The following TENM2 variants were observed in gnomAD, a reference collection of about 807,000 sequenced individuals.
TENM2 encodes teneurin-2.
Under a neutral mutation model 245.2 loss-of-function variants are expected in TENM2, and 52 were observed. That is an observed-to-expected ratio of 0.21 (90% CI 0.17 to 0.27). TENM2 has a LOEUF of 0.27. Among genes scored for constraint, TENM2 ranks in the 10% least tolerant of loss-of-function variants. The probability of loss-of-function intolerance (pLI) is 1.00; values close to 1 mark genes in which losing one functional copy is unlikely to be tolerated. For missense variants in TENM2, 3,046 were observed against 3,666.8 expected (o/e 0.83, Z 4.37); for synonymous variants, 1,363 against 1,438.9 (o/e 0.95, Z 1.19).
intron 4 of TENM2, among the ~76,000 whole-genome samples, chr5:167,966,525 A>T (rs866964727): frequency 1.3e-5 from 2 of 152,238 alleles, no homozygotes; most frequent in African/African-American, 4.8e-5. Context: ...GTCTTCAAGA[A>T]GAAGCAATCT....
intron 12 of TENM2, among the ~76,000 whole-genome samples, chr5:168,158,368 G>T (rs1463155977): frequency 6.6e-6 from 1 of 152,052 alleles, no homozygotes; most frequent in Non-Finnish European, 1.5e-5. Context: ...TAGATATGAG[G>T]CAGGCAGACA....
chr5:167,196,524 A>ATATGTGTATATATC, the TENM2 span, among the ~76,000 whole-genome samples: 1 of 142,674 alleles, frequency 7.0e-6, no homozygotes, highest in African/African-American at 3.0e-5. Flanking sequence ...GTGTATATAT[A>ATATGTGTATATATC]TATGTGTGTG....
At chr5:167,598,787 T>G (rs1561587413) in intron 2 of TENM2, among the ~76,000 whole-genome samples, 1 of 152,130 alleles carries the variant, frequency 6.6e-6, no homozygotes, top group Non-Finnish European at 1.5e-5. Flanking sequence ...AGTAATAATG[T>G]AAATGTTGGC....
intron 2 of TENM2, among the ~76,000 whole-genome samples, chr5:167,680,654 C>T (rs894573667): frequency 3.3e-5 from 5 of 152,120 alleles, no homozygotes; most frequent in South Asian, 4.1e-4. Flanking sequence ...TGAGAGACGA[C>T]GGTGGCCCAG....
intron 25 of TENM2, among the ~76,000 whole-genome samples, chr5:168,233,093 C>T (rs950301352): frequency 2.6e-5 from 4 of 152,068 alleles, no homozygotes; most frequent in African/African-American, 7.2e-5. Context: ...TTTGGGAGGC[C>T]GAGGCGGGTG....
At chr5:167,445,337 A>G (rs866378755) in intron 2 of TENM2, among the ~76,000 whole-genome samples, 7 of 76,638 alleles carry the variant, frequency 9.1e-5, no homozygotes, top group Admixed American at 1.3e-4. Flanking sequence ...ATATATATAT[A>G]GAGAGAGAGA....
At chr5:168,030,841 A>T (rs1787079861) in intron 5 of TENM2, among the ~76,000 whole-genome samples, 1 of 152,220 alleles carries the variant, frequency 6.6e-6, no homozygotes, top group South Asian at 2.1e-4. Context: ...ACACAGTGGC[A>T]TCTCCAGAAT....
chr5:167,666,539 A>G, intron 2 of TENM2, among the ~76,000 whole-genome samples: 1 of 152,276 alleles, frequency 6.6e-6, no homozygotes, highest in South Asian at 2.1e-4. Context: ...TCTCAAAATT[A>G]CTAATATTAA....
chr5:168,254,772 TG>T (rs1767494819), intron 27 of TENM2, among the ~76,000 whole-genome samples: 1 of 152,096 alleles, frequency 6.6e-6, no homozygotes, highest in South Asian at 2.1e-4. Context: ...CTCAGCCAGT[TG>T]CGGTGGCTTA....
At chr5:167,690,824 C>T (rs557412782) in intron 2 of TENM2, among the ~76,000 whole-genome samples, 3 of 152,062 alleles carry the variant, frequency 2.0e-5, no homozygotes, top group South Asian at 4.2e-4. Flanking sequence ...AGTAAAATTA[C>T]ACACACGCAA....
intron 2 of TENM2, among the ~76,000 whole-genome samples, chr5:167,654,669 A>T (rs561788614): frequency 6.6e-6 from 1 of 151,434 alleles, no homozygotes; most frequent in Admixed American, 6.6e-5. Flanking sequence ...TTGTGATGGT[A>T]TTACTCTAAA....
intron 2 of TENM2, among the ~76,000 whole-genome samples, chr5:167,615,282 GGT>G (rs1777722183): frequency 6.6e-6 from 1 of 152,068 alleles, no homozygotes; most frequent in South Asian, 2.1e-4. Context: ...CTTAAGAAGT[GGT>G]GGGCAGTAAA....
intron 1 of TENM2, among the ~76,000 whole-genome samples, chr5:167,303,962 A>G (rs1244922372): frequency 2.0e-5 from 3 of 152,156 alleles, no homozygotes; most frequent in Admixed American, 1.3e-4. Flanking sequence ...ATTTATTTTT[A>G]TATAAAATCC....
At chr5:167,779,456 A>G (rs1764035147) in intron 2 of TENM2, among the ~76,000 whole-genome samples, 1 of 152,218 alleles carries the variant, frequency 6.6e-6, no homozygotes, top group Non-Finnish European at 1.5e-5. Context: ...GAGGATCCTC[A>G]GTCACCTTGA....
intron 13 of TENM2, among the ~76,000 whole-genome samples, chr5:168,182,904 C>T (rs1383408370): frequency 6.7e-6 from 1 of 149,922 alleles, no homozygotes; most frequent in Non-Finnish European, 1.5e-5. Context: ...AATTGGGCCT[C>T]ACTGCAACCT....
the TENM2 span, among the ~76,000 whole-genome samples, chr5:167,189,600 G>T: frequency 6.9e-6 from 1 of 145,888 alleles, no homozygotes; most frequent in African/African-American, 2.5e-5. Context: ...AGACAGTCTC[G>T]CCCTGTCACC....
At chr5:167,203,765 T>A in the TENM2 span, among the ~76,000 whole-genome samples, 3 of 148,846 alleles carry the variant, frequency 2.0e-5, no homozygotes, top group South Asian at 6.2e-4. Context: ...ATTTTCAAAT[T>A]TTTTTTATTT....
intron 2 of TENM2, among the ~76,000 whole-genome samples, chr5:167,460,576 AT>A: frequency 6.7e-6 from 1 of 150,046 alleles, no homozygotes; most frequent in Non-Finnish European, 1.5e-5. Flanking sequence ...CATGTCACTG[AT>A]ATTTTTAGAA....
the TENM2 span, among the ~76,000 whole-genome samples, chr5:167,194,760 C>T: frequency 6.6e-6 from 1 of 152,002 alleles, no homozygotes; most frequent in African/African-American, 2.4e-5. Context: ...ATAGTAAATG[C>T]TTCATAAATG....
Sources: gnomAD v4.1 joint callset for allele counts (sites outside exome capture counted in the v4.1 genomes callset) on GRCh38, gnomAD v4.1.1 for gene constraint, MANE v1.5 for transcripts, NCBI Gene and HGNC (gene_info 2026-07-23, HGNC 2026-07-21) for gene names.